ARHGAP26: variants seen among roughly 807,000 people sequenced by gnomAD.
ARHGAP26 encodes the protein rho GTPase-activating protein 26.
A neutral mutation model predicts 104.8 loss-of-function variants in ARHGAP26; 38 were observed. The observed-to-expected ratio is 0.36, with a 90% confidence interval of 0.28 to 0.48. ARHGAP26 has a LOEUF of 0.48. Among genes scored for constraint, ARHGAP26 ranks in the 20% least tolerant of loss-of-function variants. ARHGAP26 has a pLI of 0.99. For synonymous variants in ARHGAP26, 341 were observed against 340.0 expected, an observed-to-expected ratio of 1.00 and a Z score of -0.03; for missense variants, 704 against 947.9, an observed-to-expected ratio of 0.74 and a Z score of 3.38.
chr5:143,054,563 A>G (rs762760918), intron 15 of ARHGAP26, 37 bp downstream of exon 15: 5 of 1,439,678 alleles, frequency 3.5e-6, no homozygotes, highest in Non-Finnish European at 3.9e-6. Context: ...AGTGCCAGCT[A>G]GTTATCATGC....
chr5:143,029,110 C>T (rs954279296), intron 12 of ARHGAP26, among the ~76,000 whole-genome samples: 1 of 152,168 alleles, frequency 6.6e-6, no homozygotes, highest in Non-Finnish European at 1.5e-5. Flanking sequence ...CAGGCAAGCC[C>T]TTCTAGTCTT....
intron 9 of ARHGAP26, among the ~76,000 whole-genome samples, chr5:142,911,781 A>G (rs1431846914): frequency 2.0e-5 from 3 of 152,218 alleles, no homozygotes; most frequent in Non-Finnish European, 4.4e-5. Context: ...AATCAGATTT[A>G]TAGTTAGACA....
chr5:142,853,839 A>T (rs950219692), intron 1 of ARHGAP26, among the ~76,000 whole-genome samples: 3 of 152,180 alleles, frequency 2.0e-5, no homozygotes, highest in African/African-American at 7.2e-5. Flanking sequence ...GAGTTGGGTT[A>T]TGCGTGTTTC....
At chr5:142,932,006 G>A (rs752892467) in intron 10 of ARHGAP26, 41 bp from the exon 11 acceptor site, 3 of 1,577,100 alleles carry the variant, frequency 1.9e-6, no homozygotes, top group Non-Finnish European at 2.6e-6. Flanking sequence ...CTCTCTACAT[G>A]TGGCACTGGT....
At chr5:143,041,053 T>C (rs1358162061) in intron 13 of ARHGAP26, among the ~76,000 whole-genome samples, 1 of 152,192 alleles carries the variant, frequency 6.6e-6, no homozygotes, top group African/African-American at 2.4e-5. Flanking sequence ...GCTCTATTAC[T>C]TGAGAGGGGT....
intron 20 of ARHGAP26, among the ~76,000 whole-genome samples, chr5:143,154,547 C>T (rs2151022228): frequency 6.6e-6 from 1 of 152,274 alleles, no homozygotes; most frequent in South Asian, 2.1e-4. Context: ...AGAGAAATGT[C>T]CCAGGCTGTC....
intron 12 of ARHGAP26, among the ~76,000 whole-genome samples, chr5:143,030,028 A>C (rs533710693): frequency 6.6e-6 from 1 of 152,154 alleles, no homozygotes; most frequent in Admixed American, 6.5e-5. Flanking sequence ...GTTTTTATAG[A>C]CTATATATAT....
chr5:143,213,413 A>T (rs7705435), intron 21 of ARHGAP26, among the ~76,000 whole-genome samples: 3 of 151,854 alleles, frequency 2.0e-5, no homozygotes, highest in Admixed American at 6.6e-5. Context: ...CACCTTGTCT[A>T]TTCCCTCCCC....
At chr5:142,865,676 A>G (rs73799010) in intron 1 of ARHGAP26, among the ~76,000 whole-genome samples, 4 of 152,270 alleles carry the variant, frequency 2.6e-5, no homozygotes, top group African/African-American at 7.2e-5. Context: ...TGTCTCCAAC[A>G]AAGTTCTGGG....
At chr5:142,815,615 G>C (rs934299101) in intron 1 of ARHGAP26, among the ~76,000 whole-genome samples, 1 of 152,196 alleles carries the variant, frequency 6.6e-6, no homozygotes, top group Non-Finnish European at 1.5e-5. Flanking sequence ...ACCTTCCCCT[G>C]CTTCCTTTGC....
intron 1 of ARHGAP26, among the ~76,000 whole-genome samples, chr5:142,774,392 C>T (rs1262046080): frequency 6.6e-6 from 1 of 151,868 alleles, no homozygotes; most frequent in Non-Finnish European, 1.5e-5. Context: ...CCCTCCTTCC[C>T]TGCACTTAAA....
intron 17 of ARHGAP26, among the ~76,000 whole-genome samples, chr5:143,082,067 G>C (rs1026296136): frequency 6.6e-6 from 1 of 151,486 alleles, no homozygotes; most frequent in Non-Finnish European, 1.5e-5. Flanking sequence ...TCTTTCTCTG[G>C]ATCTGTTGCT....
intron 14 of ARHGAP26, among the ~76,000 whole-genome samples, chr5:143,053,499 G>A (rs1785328937): frequency 6.6e-6 from 1 of 152,174 alleles, no homozygotes; most frequent in African/African-American, 2.4e-5. Context: ...CCAGGGACAG[G>A]ATGGGGATCT....
chr5:142,918,087 A>G (rs952887589), intron 10 of ARHGAP26, among the ~76,000 whole-genome samples: 1 of 152,144 alleles, frequency 6.6e-6, no homozygotes, highest in Non-Finnish European at 1.5e-5. Flanking sequence ...ATTTAGATCT[A>G]TGGTTCTTGA....
At chr5:143,154,779 A>G (rs754473304) in intron 20 of ARHGAP26, among the ~76,000 whole-genome samples, 12 of 152,246 alleles carry the variant, frequency 7.9e-5, no homozygotes, top group Admixed American at 2.0e-4. Flanking sequence ...AATTGTGTGC[A>G]TAGCTGTTAT....
intron 1 of ARHGAP26, among the ~76,000 whole-genome samples, chr5:142,834,001 G>C (rs1357030669): frequency 1.3e-5 from 2 of 152,156 alleles, no homozygotes; most frequent in Non-Finnish European, 2.9e-5. Flanking sequence ...AATAAGCCAT[G>C]TTCAGTTTTA....
intron 11 of ARHGAP26, among the ~76,000 whole-genome samples, chr5:142,986,584 C>T (rs1444171228): frequency 6.6e-6 from 1 of 152,300 alleles, no homozygotes; most frequent in Admixed American, 6.5e-5. Context: ...TTGCCCATGC[C>T]TATGTCCTGA....
At chr5:143,093,769 G>A (rs193249999) in intron 17 of ARHGAP26, among the ~76,000 whole-genome samples, 182 of 152,234 alleles carry the variant, frequency 1.2e-3, no homozygotes, top group African/African-American at 3.8e-3. Context: ...GGAGGGACCA[G>A]CGGGAGTGGA....
At chr5:142,955,095 T>C (rs1266689830) in intron 11 of ARHGAP26, among the ~76,000 whole-genome samples, 1 of 52,622 alleles carries the variant, frequency 1.9e-5, no homozygotes, top group Non-Finnish European at 3.0e-5. Flanking sequence ...GAGACCTGTC[T>C]ACACACACAC....
Sources: gnomAD v4.1 joint callset for allele counts (sites outside exome capture counted in the v4.1 genomes callset) on GRCh38, gnomAD v4.1.1 for gene constraint, MANE v1.5 for transcripts, NCBI Gene and HGNC (gene_info 2026-07-23, HGNC 2026-07-21) for gene names.